DAZAP1: variants seen among roughly 807,000 people sequenced by gnomAD.
DAZAP1 encodes the protein DAZ-associated protein 1.
In DAZAP1, 6 loss-of-function variants were observed where a neutral mutation model predicts 60.1. That is an observed-to-expected ratio of 0.10 (90% CI 0.05 to 0.20). The LOEUF (loss-of-function observed/expected upper bound fraction) is 0.20. Ranked by LOEUF, DAZAP1 falls within the 10% of genes least tolerant of loss-of-function variation. The pLI, the probability that DAZAP1 is intolerant of heterozygous loss-of-function variation, is 1.00. For synonymous variants in DAZAP1, 235 were observed against 215.9 expected, an observed-to-expected ratio of 1.09 and a Z score of -0.78; for missense variants, 366 against 560.4, an observed-to-expected ratio of 0.65 and a Z score of 3.50.
At position 1,418,859 on chromosome 19, in the gene DAZAP1, C is replaced by G. The variant is rs910942750; in HGVS notation, c.303+128C>G. The G allele has an allele frequency of 9.8e-6, 9 of 918,686 alleles. No individual in the cohort carries two copies. Among genetic ancestry groups the G allele is most frequent in the Non-Finnish European group, 1.5e-5 (9 of 608,066 alleles). The allele number at this position is 918,686 out of a possible 1,614,324, so 56.9% of individuals were successfully genotyped here. A position where few individuals can be genotyped will look rare whatever the true frequency, so the allele number is the denominator to read the frequency against. ...GACGCAGGTCTTCTGGGTTGGCACT[C>G]GAGCAGCTGAGGATCACCCAGATTT... On this transcript the variant is annotated intron_variant, in intron 4 of 11. Coordinates refer to ENST00000233078, the MANE Select transcript of DAZAP1 (RefSeq NM_018959.4). The surrounding 1 kb of genome is among the most constrained non-coding windows in gnomAD (Gnocchi z 5.7).
At chr19:1,413,694 T>C (rs1302828314) in intron 1 of DAZAP1, among the ~76,000 whole-genome samples, 1 of 152,194 alleles carries the variant, frequency 6.6e-6, no homozygotes, top group Non-Finnish European at 1.5e-5. Context: ...CCTAGCACTT[T>C]GGGAGGCCGA....
chr19:1,427,655 G>C (rs1175807978), intron 7 of DAZAP1: 1 of 152,262 alleles, frequency 6.6e-6, no homozygotes, highest in Non-Finnish European at 1.5e-5. Flanking sequence ...CCCTGAGGAG[G>C]GTGTGTGAAG....
At position 1,421,140 on chromosome 19, in the gene DAZAP1, T is replaced by G; in HGVS notation, c.304-8T>G. The G allele has an allele frequency of 6.2e-7, 1 of 1,613,748 alleles. No homozygotes were observed. Among genetic ancestry groups the G allele is most frequent in the South Asian group, 1.1e-5 (1 of 91,074 alleles). On this transcript the variant is annotated splice_region_variant and splice_polypyrimidine_tract_variant and intron_variant, in intron 4 of 11. Transcript: ENST00000233078. ...GTGTGAACTAACTATCCTTCCCTTC[T>G]TCAACAGCAGAAAGGACCCAGGAGC...
In DAZAP1 at chr19:1,433,862, C is replaced by G. The variant is rs371494840; in HGVS notation, c.1049-875C>G. The G allele has an allele frequency of 9.0e-5, 143 of 1,581,384 alleles. No individual in the cohort carries two copies. The highest frequency in any genetic ancestry group is 1.2e-4 in the Non-Finnish European group (138 of 1,151,204). ...GCCTCCTTCTCCAGGGTCCTCCCACCCGCCTGCACCGGGAGGTGGACGTGG... is the reference window on the plus strand; with the variant it reads ...GCCTCCTTCTCCAGGGTCCTCCCACGCGCCTGCACCGGGAGGTGGACGTGG... On this transcript the variant is annotated intron_variant, in intron 11 of 11. Transcript: ENST00000233078. This position sits in a 1 kb window ranked among gnomAD's most constrained non-coding sequence, Gnocchi z 6.1.
intron 10 of DAZAP1, among the ~76,000 whole-genome samples, chr19:1,431,839 G>A (rs2144928933): frequency 6.6e-6 from 1 of 152,260 alleles, no homozygotes; most frequent in African/African-American, 2.4e-5. Context: ...ACCGTGATCT[G>A]ATTTCACCTG....
intron 1 of DAZAP1, among the ~76,000 whole-genome samples, chr19:1,409,182 G>T (rs936160045): frequency 6.6e-6 from 1 of 152,254 alleles, no homozygotes; most frequent in African/African-American, 2.4e-5. Context: ...GGCAGGGTCC[G>T]TGTGCCTGTG....
At chr19:1,412,740 C>T (rs1042852990) in intron 1 of DAZAP1, among the ~76,000 whole-genome samples, 4 of 152,234 alleles carry the variant, frequency 2.6e-5, no homozygotes, top group African/African-American at 9.6e-5. Context: ...TCCAAAACGG[C>T]TTTTGCTTTA....
At position 1,422,254 on chromosome 19, in the gene DAZAP1, G is replaced by A. The variant is rs1225776413; in HGVS notation, c.415-94G>A. 2.9e-5 allele frequency: 35 copies of A among 1,192,518 alleles called. No individual in the cohort carries two copies. The highest frequency in any genetic ancestry group is 2.5e-4 in the South Asian group (20 of 80,936). 73.9% of individuals were successfully genotyped at this position (1,192,518 alleles called of 1,614,324 possible). On this transcript the variant is annotated intron_variant, in intron 5 of 11. Transcript: ENST00000233078. This position sits in a 1 kb window ranked among gnomAD's most constrained non-coding sequence, Gnocchi z 4.5. ...CGCTCAGGGAGGGCGCACCCTGTGC[G>A]AGAGTTTGGGTTCGTGGGAACAGGC...
Position 1,416,176 on chromosome 19 carries a change from G to C in DAZAP1, c.30-1324G>C, listed in dbSNP as rs1312125503. 6.6e-6 allele frequency: 1 copy of C among 152,250 alleles called. No individual in the cohort carries two copies. The highest frequency in any genetic ancestry group is 2.4e-5 in the African/African-American group (1 of 41,460). 9.4% of individuals were successfully genotyped at this position (152,250 alleles called of 1,614,324 possible). A position where few individuals can be genotyped will look rare whatever the true frequency, so the allele number is the denominator to read the frequency against. On this transcript the variant is annotated intron_variant, in intron 1 of 11. Transcript: ENST00000233078. This position sits in a 1 kb window ranked among gnomAD's most constrained non-coding sequence, Gnocchi z 4.3. ...TGGCAGGAGCAGGGAGGAGCACGTT[G>C]CTCCTGCTGCTGGTGGGGCAGTAAC... is the stretch of plus-strand genomic sequence containing the variant.
At position 1,432,524 on chromosome 19, in the gene DAZAP1, C is replaced by T. The variant is rs752719681; in HGVS notation, c.882C>T (p.Tyr294=). The T allele has an allele frequency of 2.9e-5, 46 of 1,613,638 alleles. No homozygotes were observed. Among genetic ancestry groups the T allele is most frequent in the Admixed American group, 2.8e-4 (17 of 60,002 alleles). The stretch of plus-strand genomic sequence containing the variant: ...CTTGTACCTCTGCAGGTTTTGGCTA[C>T]GGGCCTCCACCTCCACCGCCAGATC... ...YGAPPQFSFG[Y]GPPPPPPDQF... The change falls in exon 11 of 12, where the codon TAC becomes TAT. Residue 294 remains tyrosine, a synonymous_variant. Transcript: ENST00000233078. This position sits in a 1 kb window ranked among gnomAD's most constrained non-coding sequence, Gnocchi z 4.9.
rs1284478385 is a variant in DAZAP1 at position 1,407,614 on chromosome 19, G to A, written c.-160G>A. The A allele has an allele frequency of 1.6e-6, 1 of 638,676 alleles. No individual in the cohort carries two copies. Among genetic ancestry groups the A allele is most frequent in the Non-Finnish European group, 1.9e-6 (1 of 516,958 alleles). 39.6% of individuals were successfully genotyped at this position (638,676 alleles called of 1,614,324 possible). A position where few individuals can be genotyped will look rare whatever the true frequency, so the allele number is the denominator to read the frequency against. On this transcript the variant is annotated 5_prime_UTR_variant, in exon 1 of 12. Coordinates refer to ENST00000233078, the MANE Select transcript of DAZAP1 (RefSeq NM_018959.4). ...CGGTGACCGTTGGCGCCGAGGGGAG[G>A]AGGCAGCCGCCGCCGCCGCCGCCGC...
rs1412923696 is a variant in DAZAP1 at position 1,424,374 on chromosome 19, C to T, written c.464-1504C>T. Among the ~76,000 whole-genome samples the T allele has an allele frequency of 1.1e-4, 15 of 138,488 alleles. No homozygotes were observed. The East Asian group carries it at 1.7e-3, about 16-fold the overall frequency. 90.9% of individuals were successfully genotyped at this position (138,488 alleles called of 152,430 possible). A position where few individuals can be genotyped will look rare whatever the true frequency, so the allele number is the denominator to read the frequency against. ...CCCCTCCCCCTCCCCCCTCCCCCTC[C>T]GTCTGGTTGCAGACACTGCGTGCAC... On this transcript the variant is annotated intron_variant, in intron 6 of 11. Transcript: ENST00000233078.
chr19:1,411,816 G>A (rs1457992115), intron 1 of DAZAP1, among the ~76,000 whole-genome samples: 1 of 152,252 alleles, frequency 6.6e-6, no homozygotes, highest in Non-Finnish European at 1.5e-5. Context: ...GCCCCGCACA[G>A]AGGGCGCTCC....
rs2082799537 is a variant in DAZAP1 at position 1,410,574 on chromosome 19, C to T, written c.29+2772C>T. 2.6e-5 allele frequency among the ~76,000 whole-genome samples: 4 copies of T among 152,224 alleles called. No homozygotes were observed. The South Asian group carries it at 8.3e-4, about 32-fold the overall frequency. On this transcript the variant is annotated intron_variant, in intron 1 of 11. Coordinates refer to ENST00000233078, the MANE Select transcript of DAZAP1 (RefSeq NM_018959.4). ...TAAAGTCTGGCTTGAGCGCCTCTGACTTGGATTCTGGGAAGCTGACACAGC... is the reference window on the plus strand; with the variant it reads ...TAAAGTCTGGCTTGAGCGCCTCTGATTTGGATTCTGGGAAGCTGACACAGC...
Position 1,432,272 on chromosome 19 carries a change from A to C in DAZAP1, c.872-242A>C. 1 of 552,544 alleles carries C rather than the reference A, an allele frequency of 1.8e-6. No individual in the cohort carries two copies. Among genetic ancestry groups the C allele is most frequent in the Non-Finnish European group, 3.2e-6 (1 of 311,848 alleles). The allele number at this position is 552,544 out of a possible 1,614,324, so 34.2% of individuals were successfully genotyped here. A position where few individuals can be genotyped will look rare whatever the true frequency, so the allele number is the denominator to read the frequency against. On this transcript the variant is annotated intron_variant, in intron 10 of 11. Transcript: ENST00000233078. This position sits in a 1 kb window ranked among gnomAD's most constrained non-coding sequence, Gnocchi z 4.9. ...CCTGGCGGCTGCTCCGTGAGGAACG[A>C]GGTGGCCCTGCTGCAGCTCAGCATC...
At position 1,433,782 on chromosome 19, in the gene DAZAP1, C is replaced by T. The variant is rs1370874982; in HGVS notation, c.1049-955C>T. On this transcript the variant is annotated intron_variant, in intron 11 of 11. Coordinates refer to ENST00000233078, the MANE Select transcript of DAZAP1 (RefSeq NM_018959.4). The surrounding 1 kb of genome is among the most constrained non-coding windows in gnomAD (Gnocchi z 6.1). ...CAGCCCCGCCGGGCTGCGGCCCACA[C>T]TTTGTTTACAGTCTTATGGTCAGGC... is the stretch of plus-strand genomic sequence containing the variant. The T allele has an allele frequency of 1.9e-6, 3 of 1,614,034 alleles. No homozygotes were observed. The Admixed American group carries it at 5.0e-5, about 27-fold the overall frequency.
At chr19:1,421,061 C>A in intron 4 of DAZAP1, 87 bp from the exon 5 acceptor site, 1 of 1,168,264 alleles carries the variant, frequency 8.6e-7, no homozygotes, top group Non-Finnish European at 1.3e-6. Context: ...TTTAAACCAG[C>A]GCGGATTGGC....
intron 1 of DAZAP1, among the ~76,000 whole-genome samples, chr19:1,412,976 C>G (rs1455083216): frequency 6.6e-6 from 1 of 152,222 alleles, no homozygotes; most frequent in Admixed American, 6.5e-5. Context: ...GGTGTGAGGT[C>G]TGTAGGAGCC....
chr19:1,433,401 T>G lies in DAZAP1; in HGVS notation c.1048+711T>G. The G allele has an allele frequency of 5.9e-6, 2 of 339,626 alleles. No homozygotes were observed. Among genetic ancestry groups the G allele is most frequent in the Non-Finnish European group, 5.6e-6 (1 of 179,078 alleles). 21.0% of individuals were successfully genotyped at this position (339,626 alleles called of 1,614,324 possible). The stretch of plus-strand genomic sequence containing the variant: ...ACCAGGGGTCATTCACAAGCAGGGT[T>G]TGAGAACATGGGGCACCTGTCTGCA... On this transcript the variant is annotated intron_variant, in intron 11 of 11. Transcript: ENST00000233078. The surrounding 1 kb of genome is among the most constrained non-coding windows in gnomAD (Gnocchi z 6.1).
Sources: allele counts gnomAD v4.1 joint callset (sites outside exome capture counted in the v4.1 genomes callset), GRCh38; gene constraint gnomAD v4.1.1; non-coding constraint Gnocchi (gnomAD v3.1); transcripts MANE v1.5; gene names NCBI Gene and HGNC (gene_info 2026-07-23, HGNC 2026-07-21).